The following VPS13D variants were observed in gnomAD, a reference collection of about 807,000 sequenced individuals.
VPS13D encodes the protein vacuolar protein sorting 13 homolog D, also known as intermembrane lipid transfer protein VPS13D.
VPS13D carries 187 observed loss-of-function variants against 461.9 expected under a neutral mutation model. The observed-to-expected ratio is 0.40, with a 90% confidence interval of 0.36 to 0.46. VPS13D has a LOEUF of 0.46. Among genes scored for constraint, VPS13D ranks in the 20% least tolerant of loss-of-function variants. The pLI, the probability that VPS13D is intolerant of heterozygous loss-of-function variation, is 0.60. For synonymous variants in VPS13D, 1,951 were observed against 1,986.3 expected, an observed-to-expected ratio of 0.98 and a Z score of 0.47; for missense variants, 4,711 against 5,364.9, an observed-to-expected ratio of 0.88 and a Z score of 3.81.
chr1:12,355,903 A>G lies in VPS13D; in HGVS notation c.9684A>G (p.Val3228=), dbSNP rs1454431771. 6.3e-7 allele frequency: 1 copy of G among 1,579,994 alleles called. No individual in the cohort carries two copies. Among genetic ancestry groups the G allele is most frequent in the Admixed American group, 1.8e-5 (1 of 56,592 alleles). Reference sequence around the variant, plus strand: ...AATAGTTTGTATCTTCTTTAGGGGTATCACTGGAGAATTTCCCCCTCTGTA... The same window carrying G: ...AATAGTTTGTATCTTCTTTAGGGGTGTCACTGGAGAATTTCCCCCTCTGTA... ...ADTSQNIELG[V]SLENFPLCKE... The change falls in exon 48 of 70, where the codon GTA becomes GTG. Residue 3228 remains valine (V), a synonymous_variant. Transcript: ENST00000620676.
intron 65 of VPS13D, among the ~76,000 whole-genome samples, chr1:12,455,754 G>A (rs1570208276): frequency 6.6e-6 from 1 of 151,856 alleles, no homozygotes; most frequent in African/African-American, 2.4e-5. Flanking sequence ...CCCCATCTCT[G>A]CTAAAAATAC....
At chr1:12,441,474 T>C (rs1352252339) in intron 65 of VPS13D, among the ~76,000 whole-genome samples, 1 of 152,040 alleles carries the variant, frequency 6.6e-6, no homozygotes, top group Non-Finnish European at 1.5e-5. Flanking sequence ...GAACAAATGG[T>C]CACACAACAG....
intron 27 of VPS13D, among the ~76,000 whole-genome samples, chr1:12,308,891 T>A (rs1419489036): frequency 2.0e-5 from 3 of 152,112 alleles, no homozygotes. Context: ...GTGTTCTGCC[T>A]GCCTCAGCCT....
intron 65 of VPS13D, among the ~76,000 whole-genome samples, chr1:12,419,507 G>A (rs987732634): frequency 2.0e-5 from 3 of 152,192 alleles, no homozygotes; most frequent in Admixed American, 6.5e-5. Flanking sequence ...TGCTTCTGGC[G>A]AAGTCTTAGG....
chr1:12,307,126 C>T (rs1474223632), intron 26 of VPS13D, among the ~76,000 whole-genome samples: 4 of 152,162 alleles, frequency 2.6e-5, no homozygotes, highest in African/African-American at 7.2e-5. Context: ...TCAGTGCCCA[C>T]GTAATGCCAG....
rs758883239 is a variant in VPS13D at position 12,275,969 on chromosome 1, T to C, written c.2381T>C (p.Phe794Ser). 6.2e-7 allele frequency: 1 copy of C among 1,613,902 alleles called. No individual in the cohort carries two copies. Among genetic ancestry groups the C allele is most frequent in the African/African-American group, 1.3e-5 (1 of 74,954 alleles). The change falls in exon 19 of 70, where the codon TTT (phenylalanine) becomes TCT (serine). Residue 794 changes from phenylalanine (F) to serine (S), a missense_variant. By Grantham distance (155) the Phe-to-Ser change is radical. Transcript: ENST00000620676. ...AGCAACGGAGAGAAAACACCTCCCT[T>C]TTCTGGAGTTGAGTTCAGTGAAGAA... ...SSSNGEKTPP[F>S]SGVEFSEEQL...
At chr1:12,411,036 T>A (rs967830210) in intron 63 of VPS13D, among the ~76,000 whole-genome samples, 3 of 152,196 alleles carry the variant, frequency 2.0e-5, no homozygotes, top group African/African-American at 7.2e-5. Flanking sequence ...AAAAGCTTTT[T>A]CTTGAGATAA....
At chr1:12,466,387 C>T (rs1434080610) in intron 67 of VPS13D, among the ~76,000 whole-genome samples, 2 of 152,158 alleles carry the variant, frequency 1.3e-5, no homozygotes, top group Non-Finnish European at 2.9e-5. Context: ...CACTAATATT[C>T]CATTCAAGGC....
chr1:12,268,591 A>G (rs113951117), intron 15 of VPS13D, 115 bp from the exon 16 acceptor site: 2 of 1,198,612 alleles, frequency 1.7e-6, no homozygotes, highest in Non-Finnish European at 2.4e-6. Context: ...ATAAATGTGA[A>G]CTAATTGAAA....
intron 68 of VPS13D, chr1:12,500,120 C>A (rs1646016458): frequency 1.0e-6 from 1 of 985,252 alleles, no homozygotes; most frequent in African/African-American, 1.7e-5. Context: ...CACGAAGTCC[C>A]CAGTGCCTTG....
intron 67 of VPS13D, among the ~76,000 whole-genome samples, chr1:12,486,029 G>T (rs1035930454): frequency 6.6e-6 from 1 of 152,170 alleles, no homozygotes; most frequent in African/African-American, 2.4e-5. Flanking sequence ...CATGCCTGCT[G>T]TGGCTTTACA....
chr1:12,333,324 G>A lies in VPS13D; in HGVS notation c.8386G>A (p.Ala2796Thr). ...HPPRLKLEAK[A>T]KPRLDINITS... Reference sequence around the variant, plus strand: ...TCCTCGACTGAAGCTAGAAGCCAAGGCCAAACCTCGTTTGGATATCAATAT... The same window carrying A: ...TCCTCGACTGAAGCTAGAAGCCAAGACCAAACCTCGTTTGGATATCAATAT... The change falls in exon 38 of 70, where the codon GCC (alanine) becomes ACC (threonine). Residue 2796 changes from alanine to threonine, a missense_variant. Coordinates refer to ENST00000620676, the MANE Select transcript of VPS13D (RefSeq NM_015378.4). 6.2e-7 allele frequency: 1 copy of A among 1,614,160 alleles called. No homozygotes were observed. The highest frequency in any genetic ancestry group is 8.5e-7 in the Non-Finnish European group (1 of 1,180,010).
At chr1:12,264,614 C>T (rs930846795) in intron 13 of VPS13D, among the ~76,000 whole-genome samples, 6 of 152,220 alleles carry the variant, frequency 3.9e-5, no homozygotes, top group Non-Finnish European at 7.3e-5. Flanking sequence ...CATTTCAGTT[C>T]TGGGATGGCT....
Position 12,230,990 on chromosome 1 carries a change from G to A in VPS13D, c.-77+870G>A, listed in dbSNP as rs1488736934. 1.3e-5 allele frequency among the ~76,000 whole-genome samples: 2 copies of A among 152,146 alleles called. 1 individual carries two copies. The highest frequency in any genetic ancestry group is 1.3e-4 in the Admixed American group (2 of 15,286). On this transcript the variant is annotated intron_variant, in intron 1 of 69. Transcript: ENST00000620676. The stretch of plus-strand genomic sequence containing the variant: ...CCGGTCGCACAGCCGTCCCCGCCCC[G>A]GTTTTGGAGCTCCCTGGCGCCGGCA...
chr1:12,459,090 C>G (rs528314761), intron 66 of VPS13D, among the ~76,000 whole-genome samples: 1 of 152,192 alleles, frequency 6.6e-6, no homozygotes, highest in Non-Finnish European at 1.5e-5. Context: ...CCATAGTGTT[C>G]TTTGAAAATT....
chr1:12,351,886 C>T (rs1435872510), intron 46 of VPS13D, among the ~76,000 whole-genome samples: 1 of 151,980 alleles, frequency 6.6e-6, no homozygotes, highest in Non-Finnish European at 1.5e-5. Flanking sequence ...GCCACTGTGC[C>T]CAGCCCTTTA....
rs1464227255 is a variant in VPS13D, at chr1:12,358,676, C to T, written c.10141+75C>T. 6 of 1,563,300 alleles carry T rather than the reference C, an allele frequency of 3.8e-6. No individual in the cohort carries two copies. The African/African-American group carries it at 5.4e-5, about 14-fold the overall frequency. On this transcript the variant is annotated intron_variant, in intron 50 of 69. Coordinates refer to ENST00000620676, the MANE Select transcript of VPS13D (RefSeq NM_015378.4). ...CTCAGGCTTGGAGGAATGACCTGGC[C>T]ATGCATTTTGGCCTGACTACAAGTA...
chr1:12,243,351 A>C (rs1363062605), intron 3 of VPS13D, among the ~76,000 whole-genome samples: 7 of 152,166 alleles, frequency 4.6e-5, no homozygotes, highest in Admixed American at 4.6e-4. Flanking sequence ...TACAGCTTTG[A>C]ACTTCCAGGC....
chr1:12,260,183 G>T (rs952949830), intron 10 of VPS13D, among the ~76,000 whole-genome samples: 1 of 151,896 alleles, frequency 6.6e-6, no homozygotes, highest in Non-Finnish European at 1.5e-5. Context: ...CTGCCACCAC[G>T]CCTGGCTAAT....
Sources: allele counts gnomAD v4.1 joint callset (sites outside exome capture counted in the v4.1 genomes callset), GRCh38; gene constraint gnomAD v4.1.1; transcripts MANE v1.5; gene names NCBI Gene and HGNC (gene_info 2026-07-23, HGNC 2026-07-21).